The following PDS5A variants were observed in gnomAD, a reference collection of about 807,000 sequenced individuals.
The protein encoded by PDS5A is PDS5 cohesin associated factor A, also known as sister chromatid cohesion protein PDS5 homolog A.
Under a neutral mutation model 167.1 loss-of-function variants are expected in PDS5A, and 42 were observed. The ratio of observed to expected loss-of-function variants is 0.25; its 90% CI spans 0.20 to 0.33. PDS5A has a LOEUF of 0.33. PDS5A is among the 10% of genes least tolerant of loss of function. The pLI, the probability that PDS5A is intolerant of heterozygous loss-of-function variation, is 1.00. For synonymous variants in PDS5A, 553 were observed against 554.6 expected, an observed-to-expected ratio of 1.00 and a Z score of 0.04; for missense variants, 1,033 against 1,605.9, an observed-to-expected ratio of 0.64 and a Z score of 6.10.
chr4:39,934,615 C>CTTTTTTTTTT (rs5857707), intron 2 of PDS5A, among the ~76,000 whole-genome samples: 18 of 127,592 alleles, frequency 1.4e-4, no homozygotes, highest in Admixed American at 1.6e-4. Flanking sequence ...CTTTTTTTTT[C>CTTTTTTTTTT]TTTTTTTTTT....
chr4:39,848,185 G>A (rs114414074), intron 28 of PDS5A: 1 of 152,486 alleles, frequency 6.6e-6, no homozygotes, highest in African/African-American at 2.4e-5. Context: ...GCTCTAAGGG[G>A]ATCATTACTG....
intron 26 of PDS5A, among the ~76,000 whole-genome samples, chr4:39,860,625 T>A (rs1074401): frequency 0.27 from 40,937 of 151,982 alleles, 6,411 homozygotes; most frequent in Middle Eastern, 0.41. Context: ...ATGGAGGATA[T>A]ACACACATAC....
intron 2 of PDS5A, among the ~76,000 whole-genome samples, chr4:39,972,077 C>T (rs1202582452): frequency 2.6e-5 from 4 of 152,136 alleles, no homozygotes; most frequent in Admixed American, 2.6e-4. Context: ...TCCAAAAGAA[C>T]TCATAACAAA....
intron 17 of PDS5A, among the ~76,000 whole-genome samples, chr4:39,881,148 T>A (rs975204077): frequency 8.5e-5 from 13 of 152,218 alleles, no homozygotes; most frequent in Non-Finnish European, 1.5e-5. Context: ...TTCTTTTTTT[T>A]ATGGCCGAAT....
chr4:39,909,028 C>T (rs904026522), intron 10 of PDS5A: 7 of 68,890 alleles, frequency 1.0e-4, no homozygotes, highest in African/African-American at 2.1e-4. Flanking sequence ...AACAGAGTGA[C>T]GCCCTGTATC....
At chr4:39,868,384 G>A (rs1209518864) in intron 22 of PDS5A, among the ~76,000 whole-genome samples, 3 of 152,136 alleles carry the variant, frequency 2.0e-5, no homozygotes, top group South Asian at 4.1e-4. Flanking sequence ...GCTGGAGGGC[G>A]GTGGCGGGAC....
intron 2 of PDS5A, among the ~76,000 whole-genome samples, chr4:39,939,030 C>T (rs1726957743): frequency 6.6e-6 from 1 of 151,378 alleles, no homozygotes; most frequent in Admixed American, 6.6e-5. Context: ...ACACAAGGAA[C>T]CATATAGTAT....
At chr4:39,973,530 T>C in intron 2 of PDS5A, 1 of 1,335,850 alleles carries the variant, frequency 7.5e-7, no homozygotes, top group Non-Finnish European at 1.1e-6. Flanking sequence ...TTTCTCCATT[T>C]GGTACAATCA....
At chr4:39,842,898 T>G in intron 30 of PDS5A, among the ~76,000 whole-genome samples, 1 of 117,352 alleles carries the variant, frequency 8.5e-6, no homozygotes, top group Admixed American at 9.8e-5. Context: ...CAATGTAAAC[T>G]TATCCTATTT....
At chr4:39,932,083 G>C (rs1211867707) in intron 2 of PDS5A, among the ~76,000 whole-genome samples, 1 of 152,058 alleles carries the variant, frequency 6.6e-6, no homozygotes, top group Non-Finnish European at 1.5e-5. Flanking sequence ...AGTAGAGACA[G>C]GATTTCACCA....
At chr4:39,892,607 G>A (rs775129923) in intron 16 of PDS5A, among the ~76,000 whole-genome samples, 1 of 152,156 alleles carries the variant, frequency 6.6e-6, no homozygotes, top group Non-Finnish European at 1.5e-5. Context: ...ATATTTGTCA[G>A]CCTCTGTCAC....
Position 39,928,027 on chromosome 4 carries a change from A to G in PDS5A, c.276T>C (p.Cys92=), listed in dbSNP as rs1243351675. 5 of 1,613,778 alleles carry G rather than the reference A, an allele frequency of 3.1e-6. No individual in the cohort carries two copies. Among genetic ancestry groups the G allele is most frequent in the Admixed American group, 1.7e-5 (1 of 60,008 alleles). The change falls in exon 3 of 33, where the codon TGT becomes TGC. Residue 92 remains cysteine, a synonymous_variant. Coordinates refer to ENST00000303538, the MANE Select transcript of PDS5A (RefSeq NM_001100399.2). The stretch of plus-strand genomic sequence containing the variant: ...AGATACGAAAGATATCAGCCAAACA[A>G]CATGCTACAAGGAGACGCACATCTT... ...PNKDVRLLVA[C]CLADIFRIYA...
intron 16 of PDS5A, among the ~76,000 whole-genome samples, chr4:39,892,231 G>A (rs1459987933): frequency 6.6e-6 from 1 of 152,218 alleles, no homozygotes; most frequent in East Asian, 1.9e-4. Context: ...TTGAGGTCAG[G>A]AGTTTTGAGA....
intron 2 of PDS5A, among the ~76,000 whole-genome samples, chr4:39,944,218 G>A (rs1318510899): frequency 6.6e-6 from 1 of 150,808 alleles, no homozygotes; most frequent in African/African-American, 2.4e-5. Context: ...TAATCATTAT[G>A]GAAGGTTTCT....
intron 17 of PDS5A, among the ~76,000 whole-genome samples, chr4:39,884,797 A>C (rs905935089): frequency 7.9e-5 from 12 of 152,090 alleles, no homozygotes; most frequent in Non-Finnish European, 1.3e-4. Context: ...CCTTTTTAAA[A>C]TTTTACTTTC....
chr4:39,940,715 G>A (rs758916583), intron 2 of PDS5A, among the ~76,000 whole-genome samples: 77 of 116,582 alleles, frequency 6.6e-4, no homozygotes, highest in Non-Finnish European at 1.2e-3. Flanking sequence ...AGGCTGGAGC[G>A]CAGAGGCGCT....
chr4:39,946,364 G>A (rs1727769292), intron 2 of PDS5A, among the ~76,000 whole-genome samples: 2 of 152,000 alleles, frequency 1.3e-5, no homozygotes, highest in African/African-American at 4.8e-5. Flanking sequence ...TTCCCCTACA[G>A]GCACGATGAG....
intron 32 of PDS5A, among the ~76,000 whole-genome samples, chr4:39,832,045 G>A (rs1177621955): frequency 6.9e-6 from 1 of 144,402 alleles, no homozygotes; most frequent in East Asian, 2.1e-4. Context: ...ATGAACCCGG[G>A]AGGCAGAGGG....
chr4:39,946,209 T>TAAA (rs11419649), intron 2 of PDS5A, among the ~76,000 whole-genome samples: 5 of 131,032 alleles, frequency 3.8e-5, no homozygotes, highest in Non-Finnish European at 4.7e-5. Context: ...TTCATCTCAA[T>TAAA]AAAAAAAAAA....
Sources: allele counts gnomAD v4.1 joint callset (sites outside exome capture counted in the v4.1 genomes callset), GRCh38; gene constraint gnomAD v4.1.1; transcripts MANE v1.5; gene names NCBI Gene and HGNC (gene_info 2026-07-23, HGNC 2026-07-21).